The following SDHC variants were observed in gnomAD, a reference collection of about 807,000 sequenced individuals.
The protein encoded by SDHC is succinate dehydrogenase cytochrome b560 subunit, mitochondrial.
SDHC carries 11 observed loss-of-function variants against 22.6 expected under a neutral mutation model. The observed-to-expected ratio is 0.49, with a 90% CI of 0.31 to 0.81. SDHC has a LOEUF of 0.81. Among genes scored for constraint, SDHC ranks in the 30% least tolerant of loss-of-function variants. The pLI is 0.05. For synonymous variants in SDHC, 80 were observed against 77.8 expected, an observed-to-expected ratio of 1.03 and a Z score of -0.15; for missense variants, 160 against 212.0, an observed-to-expected ratio of 0.75 and a Z score of 1.52.
chr1:161,315,475 GTCT>G (rs769723493), intron 1 of SDHC, among the ~76,000 whole-genome samples: 32 of 152,244 alleles, frequency 2.1e-4, no homozygotes, highest in Non-Finnish European at 4.4e-4. Flanking sequence ...TGCCAGTGCT[GTCT>G]TCTTTATTCC....
chr1:161,332,733 A>G (rs1346860679), intron 3 of SDHC, among the ~76,000 whole-genome samples: 1 of 151,680 alleles, frequency 6.6e-6, no homozygotes, highest in Non-Finnish European at 1.5e-5. Context: ...TCTGTGTTCA[A>G]GTGATCTCCT....
At chr1:161,315,707 C>T (rs1330665280) in intron 1 of SDHC, among the ~76,000 whole-genome samples, 1 of 152,170 alleles carries the variant, frequency 6.6e-6, no homozygotes, top group Non-Finnish European at 1.5e-5. Flanking sequence ...GCGCTGTCCA[C>T]TGAAGGGATG....
intron 3 of SDHC, among the ~76,000 whole-genome samples, chr1:161,333,053 C>A (rs893486641): frequency 1.3e-5 from 2 of 152,206 alleles, no homozygotes; most frequent in Admixed American, 6.5e-5. Flanking sequence ...TATAAACTTA[C>A]CTATTCCGAA....
At chr1:161,336,065 C>T in intron 3 of SDHC, among the ~76,000 whole-genome samples, 1 of 152,078 alleles carries the variant, frequency 6.6e-6, no homozygotes, top group Admixed American at 6.6e-5. Flanking sequence ...CAGGAATAAT[C>T]CTGTTTGTAG....
At chr1:161,316,545 C>T (rs1414381652) in intron 1 of SDHC, among the ~76,000 whole-genome samples, 1 of 152,212 alleles carries the variant, frequency 6.6e-6, no homozygotes, top group Non-Finnish European at 1.5e-5. Context: ...AATGGAGTCT[C>T]TTATGTCTGC....
intron 3 of SDHC, 99 bp downstream of exon 3, chr1:161,328,596 A>G (rs1022941742): frequency 8.6e-6 from 7 of 816,814 alleles, no homozygotes; most frequent in South Asian, 2.7e-5. Context: ...CTTTTACTCA[A>G]CCAAAATACT....
rs539931843 is a variant in SDHC at position 161,348,908 on chromosome 1, A to G, written c.242-7769A>G. ...AAAAGTCTATTTGACTTTTTCCTAT[A>G]AAAGTCTAGTTGAATTTAGGTACAT... On this transcript the variant is annotated intron_variant, in intron 4 of 5. Transcript: ENST00000367975. 2.5e-5 allele frequency among the ~76,000 whole-genome samples: 3 copies of G among 119,540 alleles called. No homozygotes were observed. In the East Asian group the frequency reaches 9.2e-4, roughly 37 times the overall value. 78.4% of individuals were successfully genotyped at this position (119,540 alleles called of 152,430 possible). A position where few individuals can be genotyped will look rare whatever the true frequency, so the allele number is the denominator to read the frequency against.
intron 2 of SDHC, 88 bp downstream of exon 2, chr1:161,323,758 C>T (rs980178698): frequency 6.1e-6 from 6 of 977,606 alleles, no homozygotes; most frequent in Middle Eastern, 3.3e-4. Flanking sequence ...TGCAATGGCG[C>T]GATCTCGGCT....
At chr1:161,352,870 G>C (rs1404867240) in intron 4 of SDHC, among the ~76,000 whole-genome samples, 1 of 152,078 alleles carries the variant, frequency 6.6e-6, no homozygotes, top group Admixed American at 6.6e-5. Flanking sequence ...CCAGCTACTC[G>C]GGAGGCTGAG....
intron 1 of SDHC, among the ~76,000 whole-genome samples, chr1:161,320,222 TG>T (rs140910879): frequency 4.0e-5 from 6 of 151,592 alleles, no homozygotes; most frequent in Admixed American, 1.3e-4. Context: ...TGCCATCATA[TG>T]GGGGGGGTGG....
At position 161,362,732 on chromosome 1, in the gene SDHC, T is replaced by C; in HGVS notation, c.*299T>C. The C allele has an allele frequency of 3.5e-6, 2 of 573,036 alleles. No individual in the cohort carries two copies. Among genetic ancestry groups the C allele is most frequent in the Non-Finnish European group, 6.3e-6 (2 of 319,928 alleles). The allele number at this position is 573,036 out of a possible 1,614,324, so 35.5% of individuals were successfully genotyped here. A position where few individuals can be genotyped will look rare whatever the true frequency, so the allele number is the denominator to read the frequency against. On this transcript the variant is annotated 3_prime_UTR_variant, in exon 6 of 6. Coordinates refer to ENST00000367975, the MANE Select transcript of SDHC (RefSeq NM_003001.5). ...CTCCATATTGGGCTTTGATTTGTGC[T>C]GAGGGTCAGCTTTTGGCTCCTTCTT...
chr1:161,357,058 G>A (rs961689516), intron 5 of SDHC, among the ~76,000 whole-genome samples: 5 of 151,906 alleles, frequency 3.3e-5, no homozygotes, highest in African/African-American at 1.2e-4. Context: ...AGCCTCTTAA[G>A]TAGTTGGCGT....
chr1:161,318,029 G>A (rs1392025911), intron 1 of SDHC, among the ~76,000 whole-genome samples: 8 of 151,812 alleles, frequency 5.3e-5, no homozygotes, highest in Admixed American at 3.3e-4. Flanking sequence ...AAAATTAGCC[G>A]GGTGTGATGG....
At chr1:161,342,367 A>G (rs1483260269) in intron 4 of SDHC, among the ~76,000 whole-genome samples, 1 of 152,238 alleles carries the variant, frequency 6.6e-6, no homozygotes, top group Non-Finnish European at 1.5e-5. Context: ...CTATTAGCAC[A>G]TACTCAACAA....
chr1:161,333,623 T>C (rs1220727513), intron 3 of SDHC, among the ~76,000 whole-genome samples: 1 of 152,136 alleles, frequency 6.6e-6, no homozygotes, highest in African/African-American at 2.4e-5. Flanking sequence ...AGGATGGTCT[T>C]GATCTCTTGA....
chr1:161,323,885 A>G (rs1391855751), intron 2 of SDHC, among the ~76,000 whole-genome samples: 1 of 152,056 alleles, frequency 6.6e-6, no homozygotes. Context: ...TTTAGTAGAG[A>G]CAGGGTTTCA....
chr1:161,335,407 G>C (rs562672501), intron 3 of SDHC, among the ~76,000 whole-genome samples: 1 of 152,282 alleles, frequency 6.6e-6, no homozygotes, highest in Non-Finnish European at 1.5e-5. Context: ...ACCAGTATCT[G>C]TTGGAGGTAC....
intron 5 of SDHC, 89 bp downstream of exon 5, chr1:161,356,929 G>GT: frequency 7.4e-6 from 10 of 1,345,048 alleles, no homozygotes; most frequent in Admixed American, 3.7e-5. Flanking sequence ...GTTTAGTGCT[G>GT]TTCTTTTTTT....
Position 161,350,946 on chromosome 1 carries a change from A to G in SDHC, c.242-5731A>G, listed in dbSNP as rs1032927882. ...CCTCTTGGGAGGGGCAAAGAATGAG[A>G]TGAGTGGTGGTGACAGTAAGAGGGA... On this transcript the variant is annotated intron_variant, in intron 4 of 5. Transcript: ENST00000367975. Among the ~76,000 whole-genome samples the G allele has an allele frequency of 2.0e-5, 3 of 152,132 alleles. No individual in the cohort carries two copies. The South Asian group carries it at 6.2e-4, about 32-fold the overall frequency.
Sources: allele counts gnomAD v4.1 joint callset (sites outside exome capture counted in the v4.1 genomes callset), GRCh38; gene constraint gnomAD v4.1.1; transcripts MANE v1.5; gene names NCBI Gene and HGNC (gene_info 2026-07-23, HGNC 2026-07-21).